The following GLRA1 variants were observed in gnomAD, a reference collection of about 807,000 sequenced individuals.
GLRA1 encodes glycine receptor alpha 1.
Under a neutral mutation model 48.3 loss-of-function variants are expected in GLRA1, and 37 were observed. That is an observed-to-expected ratio of 0.77 (90% CI 0.59 to 1.01). The LOEUF (loss-of-function observed/expected upper bound fraction) is 1.01. Ranked by LOEUF, GLRA1 falls within the 50% of genes least tolerant of loss-of-function variation. The probability of loss-of-function intolerance (pLI) is 0.00; values close to 1 mark genes in which losing one functional copy is unlikely to be tolerated. For synonymous variants in GLRA1, 196 were observed against 210.7 expected, an observed-to-expected ratio of 0.93 and a Z score of 0.60; for missense variants, 427 against 571.0, an observed-to-expected ratio of 0.75 and a Z score of 2.57.
At chr5:151,828,891 C>A in intron 8 of GLRA1, 30 bp downstream of exon 8, 1 of 1,603,848 alleles carries the variant, frequency 6.2e-7, no homozygotes, top group African/African-American at 1.3e-5. Context: ...TAACAGCTGT[C>A]CCTCCTTAGG....
intron 3 of GLRA1, among the ~76,000 whole-genome samples, chr5:151,867,282 T>C (rs1019083207): frequency 6.6e-6 from 1 of 152,178 alleles, no homozygotes; most frequent in Non-Finnish European, 1.5e-5. Flanking sequence ...TCTCTAGATC[T>C]AGGATTGTTC....
chr5:151,833,812 AAAAG>A (rs1763492005), intron 7 of GLRA1, among the ~76,000 whole-genome samples: 1 of 151,096 alleles, frequency 6.6e-6, no homozygotes, highest in Non-Finnish European at 1.5e-5. Flanking sequence ...AAAAAAAAAA[AAAAG>A]CAGGGGTTGC....
intron 1 of GLRA1, among the ~76,000 whole-genome samples, chr5:151,910,730 G>A (rs1281203248): frequency 6.6e-6 from 1 of 152,312 alleles, no homozygotes. Context: ...TAAGGCTTAA[G>A]GGAGATAATG....
At chr5:151,889,072 C>A (rs1753989885) in intron 2 of GLRA1, among the ~76,000 whole-genome samples, 1 of 152,170 alleles carries the variant, frequency 6.6e-6, no homozygotes, top group South Asian at 2.1e-4. Flanking sequence ...AGTTCCCACC[C>A]AGTCCCTGCA....
chr5:151,866,006 G>A (rs886626104), intron 3 of GLRA1, among the ~76,000 whole-genome samples: 3 of 152,150 alleles, frequency 2.0e-5, no homozygotes, highest in East Asian at 1.9e-4. Context: ...GTTGGTGTTC[G>A]ACATGCGGGG....
intron 7 of GLRA1, among the ~76,000 whole-genome samples, chr5:151,831,870 G>T (rs1763436624): frequency 1.3e-5 from 2 of 152,318 alleles, no homozygotes; most frequent in Non-Finnish European, 2.9e-5. Flanking sequence ...CTCCCTGCAG[G>T]AGTGGAAAGA....
At chr5:151,848,777 T>G in intron 7 of GLRA1, 1 of 315,576 alleles carries the variant, frequency 3.2e-6, no homozygotes, top group Non-Finnish European at 6.1e-6. Context: ...AAGAGCGGAG[T>G]GTGTGAGCAG....
chr5:151,834,275 C>T (rs1763507095), intron 7 of GLRA1, among the ~76,000 whole-genome samples: 1 of 152,196 alleles, frequency 6.6e-6, no homozygotes, highest in African/African-American at 2.4e-5. Flanking sequence ...AACAAACAGT[C>T]TCTCAGACCA....
Position 151,859,979 on chromosome 5 carries a change from C to T in GLRA1, c.282G>A (p.Gln94=). 1 of 1,613,970 alleles carries T rather than the reference C, an allele frequency of 6.2e-7. No individual in the cohort carries two copies. The highest frequency in any genetic ancestry group is 8.5e-7 in the Non-Finnish European group (1 of 1,179,876). ...MDYRVNIFLR[Q]QWNDPRLAYN... Reference sequence around the variant, plus strand: ...AGGCCAGGCGGGGGTCGTTCCATTGCTGCCGCAGGAAGATGTTGACCCTAT... The same window carrying T: ...AGGCCAGGCGGGGGTCGTTCCATTGTTGCCGCAGGAAGATGTTGACCCTAT... Residue 94 remains glutamine, a synonymous_variant, in exon 4 of 9, where the codon CAG becomes CAA. Transcript: ENST00000274576.
chr5:151,895,989 A>G (rs1754218735), intron 1 of GLRA1, among the ~76,000 whole-genome samples: 1 of 151,804 alleles, frequency 6.6e-6, no homozygotes, highest in Admixed American at 6.6e-5. Context: ...GGAACATAGT[A>G]CTCCCTCCCA....
intron 1 of GLRA1, among the ~76,000 whole-genome samples, chr5:151,914,463 A>G (rs1457849193): frequency 1.3e-5 from 2 of 152,170 alleles, no homozygotes; most frequent in Non-Finnish European, 2.9e-5. Context: ...TACAGAAGAT[A>G]AGGGAGACTG....
At chr5:151,873,684 G>A (rs973940429) in intron 3 of GLRA1, among the ~76,000 whole-genome samples, 3 of 149,974 alleles carry the variant, frequency 2.0e-5, no homozygotes, top group Non-Finnish European at 4.4e-5. Context: ...AAAAAAAAAG[G>A]TTTACCTTAA....
chr5:151,860,611 C>T (rs1753171550), intron 3 of GLRA1, among the ~76,000 whole-genome samples: 1 of 152,196 alleles, frequency 6.6e-6, no homozygotes, highest in South Asian at 2.1e-4. Context: ...CCTGCTGGTC[C>T]TAGGGTTCAT....
intron 3 of GLRA1, among the ~76,000 whole-genome samples, chr5:151,883,047 T>C (rs993760348): frequency 6.6e-6 from 1 of 152,214 alleles, no homozygotes; most frequent in Non-Finnish European, 1.5e-5. Context: ...ATGAGATATA[T>C]ATAAGAAATA....
chr5:151,850,057 C>T (rs1752859955), intron 7 of GLRA1: 1 of 1,603,568 alleles, frequency 6.2e-7, no homozygotes, highest in African/African-American at 1.3e-5. Flanking sequence ...GAGCAACCAG[C>T]ACCCTGGTTT....
At chr5:151,853,611 C>T (rs1752964551) in intron 6 of GLRA1, among the ~76,000 whole-genome samples, 1 of 151,826 alleles carries the variant, frequency 6.6e-6, no homozygotes, top group Admixed American at 6.6e-5. Context: ...GAATATTTGA[C>T]CCCATCAGAT....
intron 2 of GLRA1, among the ~76,000 whole-genome samples, chr5:151,892,047 C>T (rs563659241): frequency 6.6e-6 from 1 of 152,264 alleles, no homozygotes; most frequent in Non-Finnish European, 1.5e-5. Context: ...ATCCTTCTTC[C>T]CATCATACAA....
intron 3 of GLRA1, among the ~76,000 whole-genome samples, chr5:151,874,157 G>A (rs1753565327): frequency 6.6e-6 from 1 of 152,178 alleles, no homozygotes; most frequent in Non-Finnish European, 1.5e-5. Flanking sequence ...CAGGACTAAA[G>A]CTGTGGGTAA....
At chr5:151,878,376 A>G (rs1003751845) in intron 3 of GLRA1, among the ~76,000 whole-genome samples, 2 of 152,238 alleles carry the variant, frequency 1.3e-5, no homozygotes, top group African/African-American at 4.8e-5. Context: ...CAGAGCATAA[A>G]AATTTGGAAA....
Sources: allele counts gnomAD v4.1 joint callset (sites outside exome capture counted in the v4.1 genomes callset), GRCh38; gene constraint gnomAD v4.1.1; transcripts MANE v1.5; gene names NCBI Gene and HGNC (gene_info 2026-07-23, HGNC 2026-07-21).